NRXN1: variants seen among roughly 807,000 people sequenced by gnomAD.
NRXN1 encodes the protein neurexin-1.
NRXN1 carries 39 observed loss-of-function variants against 150.9 expected under a neutral mutation model. The ratio of observed to expected loss-of-function variants is 0.26; its 90% CI spans 0.20 to 0.34. NRXN1 has a LOEUF of 0.34. Ranked by LOEUF, NRXN1 falls within the 10% of genes least tolerant of loss-of-function variation. The pLI is 1.00. For synonymous variants in NRXN1, 924 were observed against 757.0 expected, an observed-to-expected ratio of 1.22 and a Z score of -3.62; for missense variants, 1,815 against 1,949.9, an observed-to-expected ratio of 0.93 and a Z score of 1.30.
intron 5 of NRXN1, among the ~76,000 whole-genome samples, chr2:50,875,452 A>T (rs769905918): frequency 6.6e-6 from 1 of 151,450 alleles, no homozygotes; most frequent in African/African-American, 2.4e-5. Context: ...TTTAGCAATT[A>T]TTATTATTAT....
At chr2:50,310,679 T>C (rs1053560481) in intron 17 of NRXN1, among the ~76,000 whole-genome samples, 2 of 152,190 alleles carry the variant, frequency 1.3e-5, no homozygotes, top group African/African-American at 4.8e-5. Flanking sequence ...GAACATTTAG[T>C]CTATAAACTA....
At chr2:50,479,106 G>C (rs1055244604) in intron 15 of NRXN1, among the ~76,000 whole-genome samples, 2 of 152,140 alleles carry the variant, frequency 1.3e-5, no homozygotes, top group East Asian at 1.9e-4. Context: ...TCAAGATTTT[G>C]AATTACTTCT....
chr2:50,665,854 A>C (rs1687948946), intron 5 of NRXN1, among the ~76,000 whole-genome samples: 2 of 152,002 alleles, frequency 1.3e-5, no homozygotes, highest in African/African-American at 4.8e-5. Flanking sequence ...TCAATTAATT[A>C]AGTGTGTGTA....
intron 5 of NRXN1, among the ~76,000 whole-genome samples, chr2:50,899,408 C>T (rs79614833): frequency 0.02 from 3,106 of 152,184 alleles, 110 homozygotes; most frequent in African/African-American, 0.072. Flanking sequence ...CTTCCCACTA[C>T]ACTGTGTTTA....
At chr2:50,001,534 G>A (rs921793293) in intron 21 of NRXN1, among the ~76,000 whole-genome samples, 6 of 152,182 alleles carry the variant, frequency 3.9e-5, no homozygotes, top group Middle Eastern at 3.4e-3. Context: ...CCAAATTATC[G>A]CATTCACATA....
intron 2 of NRXN1, among the ~76,000 whole-genome samples, chr2:50,955,825 C>T (rs879688154): frequency 6.6e-6 from 1 of 152,154 alleles, no homozygotes; most frequent in Non-Finnish European, 1.5e-5. Context: ...TTGATAATTA[C>T]TGAGGGGGGA....
intron 18 of NRXN1, among the ~76,000 whole-genome samples, chr2:50,208,716 GACA>G (rs2062794638): frequency 6.6e-6 from 1 of 151,884 alleles, no homozygotes; most frequent in African/African-American, 2.4e-5. Context: ...AACATTCAGG[GACA>G]ACAAGCAAAA....
chr2:50,968,951 TG>T (rs1197745068), intron 2 of NRXN1, among the ~76,000 whole-genome samples: 1 of 152,126 alleles, frequency 6.6e-6, no homozygotes, highest in Non-Finnish European at 1.5e-5. Context: ...CACCTTAGTC[TG>T]GCCTATTTGT....
intron 18 of NRXN1, among the ~76,000 whole-genome samples, chr2:50,139,050 G>A (rs1203529518): frequency 6.6e-6 from 1 of 152,158 alleles, no homozygotes; most frequent in East Asian, 1.9e-4. Context: ...ATGTGGACGG[G>A]CAAGGTGGCT....
chr2:49,940,294 TGTTA>T (rs1671760793), intron 22 of NRXN1, among the ~76,000 whole-genome samples: 1 of 152,212 alleles, frequency 6.6e-6, no homozygotes, highest in South Asian at 2.1e-4. Context: ...TACCTCAATA[TGTTA>T]GTTTTATAAA....
At chr2:50,013,239 G>A (rs568234859) in intron 21 of NRXN1, among the ~76,000 whole-genome samples, 3 of 143,054 alleles carry the variant, frequency 2.1e-5, no homozygotes, top group South Asian at 4.4e-4. Flanking sequence ...AGGGGTTTTC[G>A]TTTTGTGTTG....
intron 17 of NRXN1, chr2:50,312,780 C>T (rs762419233): frequency 3.1e-5 from 16 of 514,608 alleles, no homozygotes; most frequent in Admixed American, 2.6e-4. Context: ...CTTCATTTAT[C>T]ACCAGCTAAA....
chr2:50,957,508 T>G (rs986430409), intron 2 of NRXN1, among the ~76,000 whole-genome samples: 1 of 152,116 alleles, frequency 6.6e-6, no homozygotes, highest in Admixed American at 6.6e-5. Flanking sequence ...AACAAAAATT[T>G]ACCCAGCACA....
chr2:50,107,522 T>C (rs1701823646), intron 18 of NRXN1, among the ~76,000 whole-genome samples: 1 of 124,454 alleles, frequency 8.0e-6, no homozygotes. Flanking sequence ...CCAGACTACA[T>C]ATATATATAT....
chr2:50,546,390 G>C lies in NRXN1; in HGVS notation c.1759+6197C>G, dbSNP rs947707151. On this transcript the variant is annotated intron_variant, in intron 9 of 22. Coordinates refer to ENST00000401669, the MANE Select transcript of NRXN1 (RefSeq NM_001330078.2). ...ATGTTAATACATTTAAGTTCTACAA[G>C]CCCAGGGGCCTAGCTCAGGTACTTC... Among the ~76,000 whole-genome samples the C allele has an allele frequency of 2.0e-5, 3 of 152,040 alleles. No homozygotes were observed. In the South Asian group the frequency reaches 6.2e-4, roughly 32 times the overall value.
chr2:50,633,763 C>G (rs185641991), intron 5 of NRXN1, among the ~76,000 whole-genome samples: 2 of 152,032 alleles, frequency 1.3e-5, no homozygotes, highest in African/African-American at 4.8e-5. Context: ...AGAAATACAA[C>G]AGTAAATAAG....
At chr2:49,953,362 G>T (rs1463490959) in intron 21 of NRXN1, among the ~76,000 whole-genome samples, 6 of 152,088 alleles carry the variant, frequency 3.9e-5, no homozygotes, top group Admixed American at 2.6e-4. Flanking sequence ...ATCTGGCTCA[G>T]ATGTCACAAT....
At chr2:50,119,067 C>A (rs1703482182) in intron 18 of NRXN1, among the ~76,000 whole-genome samples, 1 of 151,644 alleles carries the variant, frequency 6.6e-6, no homozygotes, top group Admixed American at 6.6e-5. Flanking sequence ...CCTCACGTCT[C>A]TGTAAGAGCT....
chr2:50,043,701 A>C (rs1459815333), intron 21 of NRXN1, among the ~76,000 whole-genome samples: 2 of 152,194 alleles, frequency 1.3e-5, no homozygotes, highest in Non-Finnish European at 2.9e-5. Flanking sequence ...AGTGTGTTCC[A>C]GGGCCAAATT....
Sources: gnomAD v4.1 joint callset for allele counts (sites outside exome capture counted in the v4.1 genomes callset) on GRCh38, gnomAD v4.1.1 for gene constraint, MANE v1.5 for transcripts, NCBI Gene and HGNC (gene_info 2026-07-23, HGNC 2026-07-21) for gene names.